DLG2: variants seen among roughly 807,000 people sequenced by gnomAD.
The protein encoded by DLG2 is disks large homolog 2.
A neutral mutation model predicts 132.5 loss-of-function variants in DLG2; 45 were observed. The ratio of observed to expected loss-of-function variants is 0.34; its 90% CI spans 0.27 to 0.44. The LOEUF (loss-of-function observed/expected upper bound fraction) is 0.44. Among genes scored for constraint, DLG2 ranks in the 20% least tolerant of loss-of-function variants. DLG2 has a pLI of 1.00. For missense variants in DLG2, 1,045 were observed against 1,196.9 expected (o/e 0.87, Z 1.87); for synonymous variants, 424 against 419.6 (o/e 1.01, Z -0.13).
At chr11:83,469,499 T>C in intron 24 of DLG2, 126 bp from the exon 25 acceptor site, 2 of 678,756 alleles carry the variant, frequency 2.9e-6, no homozygotes, top group East Asian at 5.6e-5. Flanking sequence ...AAATATGACA[T>C]AGTAACAGGT....
In DLG2 at chr11:84,600,171, A is replaced by G. The variant is rs1031359194; in HGVS notation, c.358-65440T>C. On this transcript the variant is annotated intron_variant, in intron 6 of 27. Coordinates refer to ENST00000376104, the MANE Select transcript of DLG2 (RefSeq NM_001142699.3). ...AAGAAAGAAAGAAGGAAAGAAAGAA[A>G]GAAAGAAAGAAAGAAAGAAAGAAAG... is the stretch of plus-strand genomic sequence containing the variant. 2.6e-3 allele frequency among the ~76,000 whole-genome samples: 307 copies of G among 118,780 alleles called. 1 individual carries two copies. The highest frequency in any genetic ancestry group is 5.9e-3 in the South Asian group (20 of 3,388). 77.9% of individuals were successfully genotyped at this position (118,780 alleles called of 152,430 possible). A position where few individuals can be genotyped will look rare whatever the true frequency, so the allele number is the denominator to read the frequency against.
intron 15 of DLG2, among the ~76,000 whole-genome samples, chr11:83,911,238 T>C (rs943462682): frequency 3.3e-5 from 5 of 152,076 alleles, no homozygotes; most frequent in Non-Finnish European, 7.4e-5. Flanking sequence ...GGAATGAAGC[T>C]GACAATAGAC....
At chr11:85,407,135 G>A (rs1229427893) in intron 3 of DLG2, among the ~76,000 whole-genome samples, 1 of 151,860 alleles carries the variant, frequency 6.6e-6, no homozygotes, top group Non-Finnish European at 1.5e-5. Flanking sequence ...GAATGAAGTC[G>A]AAAGAGTAGT....
intron 3 of DLG2, among the ~76,000 whole-genome samples, chr11:85,311,020 C>T (rs1363255374): frequency 1.3e-5 from 2 of 152,144 alleles, no homozygotes; most frequent in African/African-American, 4.8e-5. Flanking sequence ...CATAGACAAA[C>T]CTGCCCCCAC....
intron 4 of DLG2, among the ~76,000 whole-genome samples, chr11:85,208,612 G>A (rs1258284722): frequency 6.6e-6 from 1 of 152,044 alleles, no homozygotes; most frequent in African/African-American, 2.4e-5. Flanking sequence ...CATTTTCCCT[G>A]GATCAGCCCC....
At chr11:83,559,946 G>A (rs2096582841) in intron 19 of DLG2, among the ~76,000 whole-genome samples, 1 of 152,104 alleles carries the variant, frequency 6.6e-6, no homozygotes, top group East Asian at 1.9e-4. Context: ...CTACCCTGAT[G>A]CTTCTTATAT....
chr11:84,378,386 C>T (rs1453816628), intron 7 of DLG2, among the ~76,000 whole-genome samples: 1 of 152,160 alleles, frequency 6.6e-6, no homozygotes, highest in Non-Finnish European at 1.5e-5. Context: ...GCACCTTGAT[C>T]TTGAATTTCC....
intron 15 of DLG2, among the ~76,000 whole-genome samples, chr11:83,889,055 T>C (rs1215618353): frequency 1.3e-5 from 2 of 152,084 alleles, no homozygotes; most frequent in Non-Finnish European, 2.9e-5. Context: ...GGCAAGGACT[T>C]CATGTCTAAA....
chr11:84,090,809 T>C (rs2097079741), intron 10 of DLG2, among the ~76,000 whole-genome samples: 1 of 152,206 alleles, frequency 6.6e-6, no homozygotes, highest in Non-Finnish European at 1.5e-5. Context: ...GTTAATAATG[T>C]TTTCCAAAAG....
chr11:85,027,180 T>A (rs907902010), intron 6 of DLG2, among the ~76,000 whole-genome samples: 74 of 140,316 alleles, frequency 5.3e-4, no homozygotes, highest in Admixed American at 8.6e-4. Context: ...TCTCTTTTTT[T>A]TTTTTTTTTT....
intron 6 of DLG2, chr11:84,923,655 G>A (rs1311810066): frequency 1.1e-6 from 1 of 912,016 alleles, no homozygotes; most frequent in Admixed American, 6.1e-5. Context: ...AGGCTATTCT[G>A]GTGCAGCACC....
At chr11:85,213,215 A>T (rs2082361278) in intron 4 of DLG2, among the ~76,000 whole-genome samples, 1 of 152,202 alleles carries the variant, frequency 6.6e-6, no homozygotes. Flanking sequence ...GAAGAGATTT[A>T]TTCTGAGCCA....
intron 3 of DLG2, among the ~76,000 whole-genome samples, chr11:85,433,436 C>T (rs1387641528): frequency 6.6e-6 from 1 of 152,114 alleles, no homozygotes; most frequent in African/African-American, 2.4e-5. Context: ...TGTTCAAAGA[C>T]ACACTTAGGC....
intron 7 of DLG2, among the ~76,000 whole-genome samples, chr11:84,290,433 C>G (rs968351086): frequency 6.6e-6 from 1 of 152,014 alleles, no homozygotes; most frequent in African/African-American, 2.4e-5. Flanking sequence ...TTTATTTGCT[C>G]TAATGAGAAA....
At chr11:84,376,633 ATT>A (rs1315869735) in intron 7 of DLG2, among the ~76,000 whole-genome samples, 2 of 151,786 alleles carry the variant, frequency 1.3e-5, no homozygotes, top group African/African-American at 4.8e-5. Context: ...CTTGATTTTT[ATT>A]TTTGATTTAT....
At chr11:83,571,632 G>C (rs1027953695) in intron 19 of DLG2, among the ~76,000 whole-genome samples, 2 of 151,674 alleles carry the variant, frequency 1.3e-5, no homozygotes, top group Non-Finnish European at 2.9e-5. Context: ...CAGCAGAAGA[G>C]AGGCATGTGC....
chr11:84,459,747 C>A (rs1375725351), intron 7 of DLG2, among the ~76,000 whole-genome samples: 1 of 150,384 alleles, frequency 6.6e-6, no homozygotes, highest in African/African-American at 2.4e-5. Flanking sequence ...TTATATTTTC[C>A]ATTTTTTGAA....
At chr11:85,619,429 T>G (rs1187789643) in intron 2 of DLG2, among the ~76,000 whole-genome samples, 2 of 152,202 alleles carry the variant, frequency 1.3e-5, no homozygotes, top group Non-Finnish European at 2.9e-5. Context: ...AATGCAAAAG[T>G]TTGAAAACTG....
intron 3 of DLG2, among the ~76,000 whole-genome samples, chr11:85,479,617 G>A (rs144882553): frequency 1.6e-4 from 24 of 152,236 alleles, no homozygotes; most frequent in African/African-American, 4.8e-4. Flanking sequence ...TACTTATCAG[G>A]AAAATGCAAA....
Sources: allele counts gnomAD v4.1 joint callset (sites outside exome capture counted in the v4.1 genomes callset), GRCh38; gene constraint gnomAD v4.1.1; transcripts MANE v1.5; gene names NCBI Gene and HGNC (gene_info 2026-07-23, HGNC 2026-07-21).